Variants in EPHX2 observed in about 807,000 individuals in gnomAD.
EPHX2 encodes epoxide hydrolase 2.
EPHX2 carries 74 observed loss-of-function variants against 78.7 expected under a neutral mutation model. The observed-to-expected ratio is 0.94, with a 90% CI of 0.78 to 1.14. EPHX2 has a LOEUF of 1.14. EPHX2 is among the 50% of genes most tolerant of loss of function. The pLI is 0.00. For synonymous variants in EPHX2, 251 were observed against 255.2 expected, an observed-to-expected ratio of 0.98 and a Z score of 0.16; for missense variants, 715 against 702.5, an observed-to-expected ratio of 1.02 and a Z score of -0.20.
chr8:27,517,962 CA>C, intron 8 of EPHX2, 75 bp from the exon 9 acceptor site: 1 of 1,240,740 alleles, frequency 8.1e-7, no homozygotes, highest in African/African-American at 1.5e-5. Context: ...GTTTTCTTTG[CA>C]AAAAGGTCCT....
At chr8:27,543,955 T>G in intron 17 of EPHX2, 126 bp downstream of exon 17, 2 of 1,041,990 alleles carry the variant, frequency 1.9e-6, no homozygotes, top group Non-Finnish European at 2.9e-6. Flanking sequence ...AAGCACATCA[T>G]CAGTAACATC....
intron 1 of EPHX2, among the ~76,000 whole-genome samples, chr8:27,494,886 A>G (rs1039269160): frequency 7.2e-5 from 11 of 152,222 alleles, no homozygotes; most frequent in African/African-American, 2.4e-4. Context: ...CTATGCCCCC[A>G]TGAAAGTCCT....
At chr8:27,547,592 A>G (rs1697151621), downstream of EPHX2, among the ~76,000 whole-genome samples, 1 of 152,138 alleles carries the variant, frequency 6.6e-6, no homozygotes, top group South Asian at 2.1e-4. Flanking sequence ...TGGCTATTTA[A>G]AACAATGTAT....
intron 1 of EPHX2, among the ~76,000 whole-genome samples, chr8:27,495,937 A>G (rs954351616): frequency 8.5e-5 from 13 of 152,204 alleles, no homozygotes; most frequent in African/African-American, 2.6e-4. Flanking sequence ...TTCCCATTCT[A>G]CTAGATTAGT....
intron 11 of EPHX2, among the ~76,000 whole-genome samples, chr8:27,525,099 T>TGCGCGC (rs1267290460): frequency 7.3e-5 from 10 of 136,174 alleles, no homozygotes; most frequent in African/African-American, 2.9e-4. Flanking sequence ...TGTGTGTGTG[T>TGCGCGC]GTGTGTGTGC....
At chr8:27,511,639 T>C (rs1015615169) in intron 5 of EPHX2, among the ~76,000 whole-genome samples, 197 bp from the exon 6 acceptor site, 1 of 152,136 alleles carries the variant, frequency 6.6e-6, no homozygotes, top group African/African-American at 2.4e-5. Context: ...GGGGCTCCAC[T>C]CAACTGGAAG....
rs748621517 is a variant in EPHX2, at chr8:27,538,771, G to T, written c.1276+79G>T. 1.1e-5 allele frequency: 17 copies of T among 1,505,538 alleles called. No homozygotes were observed. The Admixed American group carries it at 2.5e-4, about 22-fold the overall frequency. The allele number at this position is 1,505,538 out of a possible 1,614,324, so 93.3% of individuals were successfully genotyped here. ...ATGTTTCTGTCTCTGACTGCTATGGGCAGAAGCCCTGAGCTCTCCAGCTCT... is the reference window on the plus strand; with the variant it reads ...ATGTTTCTGTCTCTGACTGCTATGGTCAGAAGCCCTGAGCTCTCCAGCTCT... On this transcript the variant is annotated intron_variant, in intron 14 of 18. Transcript: ENST00000521400.
chr8:27,538,786 T>C (rs763101193), intron 14 of EPHX2, 94 bp downstream of exon 14: 2 of 1,420,502 alleles, frequency 1.4e-6, no homozygotes, highest in Non-Finnish European at 2.0e-6. Flanking sequence ...AGCCCTGAGC[T>C]CTCCAGCTCT....
At chr8:27,538,885 C>A in intron 14 of EPHX2, 193 bp downstream of exon 14, 1 of 610,666 alleles carries the variant, frequency 1.6e-6, no homozygotes, top group Non-Finnish European at 2.9e-6. Flanking sequence ...GAGTTCCTAC[C>A]CTCTAGGGAG....
chr8:27,539,115 CCA>C (rs1815311202), intron 14 of EPHX2: 2 of 170,436 alleles, frequency 1.2e-5, no homozygotes, highest in African/African-American at 4.8e-5. Context: ...TCCAATTCCC[CCA>C]CCTGGAGCTC....
chr8:27,511,755 C>T (rs1025638380), intron 5 of EPHX2, 81 bp from the exon 6 acceptor site: 7 of 1,455,928 alleles, frequency 4.8e-6, no homozygotes, highest in Non-Finnish European at 6.7e-6. Context: ...TCCAAGGCCT[C>T]CCCTGGCACC....
At chr8:27,532,244 A>G (rs942545683) in intron 12 of EPHX2, among the ~76,000 whole-genome samples, 2 of 151,996 alleles carry the variant, frequency 1.3e-5, no homozygotes, top group Non-Finnish European at 1.5e-5. Context: ...TACCCCCTGG[A>G]GACATGCTTT....
chr8:27,547,276 G>C (rs1220660954), downstream of EPHX2, among the ~76,000 whole-genome samples: 5 of 152,204 alleles, frequency 3.3e-5, no homozygotes, highest in Non-Finnish European at 1.5e-5. Context: ...GGTCTGCTTT[G>C]AGGACCTTTG....
At chr8:27,493,886 C>CA (rs969950076) in intron 1 of EPHX2, among the ~76,000 whole-genome samples, 1 of 152,100 alleles carries the variant, frequency 6.6e-6, no homozygotes, top group African/African-American at 2.4e-5. Flanking sequence ...TGAGTGGCTC[C>CA]CTGTGCTCTA....
intron 1 of EPHX2, among the ~76,000 whole-genome samples, chr8:27,500,180 C>G (rs1462175062): frequency 6.6e-6 from 1 of 152,076 alleles, no homozygotes; most frequent in East Asian, 1.9e-4. Flanking sequence ...GGATTTCCTC[C>G]TTGCTGTTCT....
chr8:27,527,237 G>A (rs1814878993), intron 12 of EPHX2, among the ~76,000 whole-genome samples: 1 of 152,126 alleles, frequency 6.6e-6, no homozygotes, highest in African/African-American at 2.4e-5. Context: ...GATTACAGGT[G>A]TGAATATATA....
intron 6 of EPHX2, among the ~76,000 whole-genome samples, chr8:27,515,284 C>T (rs566501809): frequency 3.9e-5 from 6 of 152,238 alleles, no homozygotes; most frequent in South Asian, 2.1e-4. Context: ...ACAAGAACCC[C>T]GTCTTCAGCT....
At chr8:27,495,601 T>C (rs1342599565) in intron 1 of EPHX2, among the ~76,000 whole-genome samples, 1 of 152,206 alleles carries the variant, frequency 6.6e-6, no homozygotes, top group African/African-American at 2.4e-5. Context: ...TAAATTTCCT[T>C]TGGCACCTAG....
At chr8:27,503,796 A>G (rs2132721142) in intron 3 of EPHX2, 33 bp downstream of exon 3, 1 of 1,591,206 alleles carries the variant, frequency 6.3e-7, no homozygotes, top group Non-Finnish European at 8.5e-7. Flanking sequence ...TCTCAGGCCG[A>G]ACCACCCAGA....
Sources: gnomAD v4.1 joint callset for allele counts (sites outside exome capture counted in the v4.1 genomes callset) on GRCh38, gnomAD v4.1.1 for gene constraint, MANE v1.5 for transcripts, NCBI Gene and HGNC (gene_info 2026-07-23, HGNC 2026-07-21) for gene names.